Variants in TUBA8 observed in about 807,000 individuals in gnomAD.
TUBA8 encodes tubulin alpha-8 chain.
Under a neutral mutation model 34.7 loss-of-function variants are expected in TUBA8, and 29 were observed. The observed-to-expected ratio is 0.84, with a 90% CI of 0.62 to 1.14. The LOEUF (loss-of-function observed/expected upper bound fraction) is 1.14, where lower values mean the gene tolerates loss of function less well. TUBA8 is among the 50% of genes most tolerant of loss of function. The probability of loss-of-function intolerance (pLI) is 0.00; values close to 1 mark genes in which losing one functional copy is unlikely to be tolerated. For missense variants in TUBA8, 541 were observed against 599.2 expected (o/e 0.90, Z 1.01); for synonymous variants, 226 against 231.2 (o/e 0.98, Z 0.21).
rs1928254685 is a variant in TUBA8, at chr22:18,124,364, T to C, written c.375+60T>C. The stretch of plus-strand genomic sequence containing the variant: ...GCTGGAGTGGACAGGCTTGGCCCCA[T>C]GCCTCTTTGATCAGGCTAGGGAGAG... On this transcript the variant is annotated intron_variant, in intron 3 of 4. Coordinates refer to ENST00000330423, the MANE Select transcript of TUBA8 (RefSeq NM_018943.3). This position sits in a 1 kb window ranked among gnomAD's most constrained non-coding sequence, Gnocchi z 4.3. 6.4e-7 allele frequency: 1 copy of C among 1,570,034 alleles called. No individual in the cohort carries two copies. The highest frequency in any genetic ancestry group is 1.2e-5 in the South Asian group (1 of 85,388).
rs1237250274 is a variant in TUBA8 at position 18,119,896 on chromosome 22, G to A, written c.4-1583G>A. ...TCTGGAGGCTCTGCCCCTGGCTTGGGTTACCCGGAGCTGGAAAATGCCAGG... is the reference window on the plus strand; with the variant it reads ...TCTGGAGGCTCTGCCCCTGGCTTGGATTACCCGGAGCTGGAAAATGCCAGG... On this transcript the variant is annotated intron_variant, in intron 1 of 4. Transcript: ENST00000330423. The surrounding 1 kb of genome is among the most constrained non-coding windows in gnomAD (Gnocchi z 5.9). 1 of 152,252 alleles carries A rather than the reference G, an allele frequency of 6.6e-6. No homozygotes were observed. The highest frequency in any genetic ancestry group is 2.4e-5 in the African/African-American group (1 of 41,476). The allele number at this position is 152,252 out of a possible 1,614,324, so 9.4% of individuals were successfully genotyped here. A position where few individuals can be genotyped will look rare whatever the true frequency, so the allele number is the denominator to read the frequency against.
Position 18,111,007 on chromosome 22 carries a change from G to T in TUBA8, c.3+139G>T, listed in dbSNP as rs1436532882. On this transcript the variant is annotated intron_variant, in intron 1 of 4. Coordinates refer to ENST00000330423, the MANE Select transcript of TUBA8 (RefSeq NM_018943.3). This position sits in a 1 kb window ranked among gnomAD's most constrained non-coding sequence, Gnocchi z 5.1. ...CTTCTGGGGGTGGCAGTTCAGGGTCGAGGAGTCCGCACCCTCGGGCGGGAA... is the reference window on the plus strand; with the variant it reads ...CTTCTGGGGGTGGCAGTTCAGGGTCTAGGAGTCCGCACCCTCGGGCGGGAA... 3 of 1,322,912 alleles carry T rather than the reference G, an allele frequency of 2.3e-6. No homozygotes were observed. Among genetic ancestry groups the T allele is most frequent in the Non-Finnish European group, 3.1e-6 (3 of 958,466 alleles). The allele number at this position is 1,322,912 out of a possible 1,614,324, so 81.9% of individuals were successfully genotyped here. A position where few individuals can be genotyped will look rare whatever the true frequency, so the allele number is the denominator to read the frequency against.
In TUBA8 at chr22:18,126,813, G is replaced by A. The variant is rs2123705970; in HGVS notation, c.835G>A (p.Glu279Lys). 8 of 1,613,746 alleles carry A rather than the reference G, an allele frequency of 5.0e-6. No individual in the cohort carries two copies. The highest frequency in any genetic ancestry group is 6.8e-6 in the Non-Finnish European group (8 of 1,179,782). Residue 279 changes from glutamate to lysine, a missense_variant, in exon 4 of 5, where the codon GAG becomes AAG. Coordinates refer to ENST00000330423, the MANE Select transcript of TUBA8 (RefSeq NM_018943.3). This position sits in a 1 kb window ranked among gnomAD's most constrained non-coding sequence, Gnocchi z 4.0. ...LVTYAPIISAEKAYHEQLSVA... is the reference protein window; with the variant it reads ...LVTYAPIISAKKAYHEQLSVA... ...CACCTACGCGCCCATCATCTCTGCC[G>A]AGAAAGCCTATCACGAACAGCTCTC...
chr22:18,126,298 G>A lies in TUBA8; in HGVS notation c.376-56G>A. On this transcript the variant is annotated intron_variant, in intron 3 of 4. Coordinates refer to ENST00000330423, the MANE Select transcript of TUBA8 (RefSeq NM_018943.3). This position sits in a 1 kb window ranked among gnomAD's most constrained non-coding sequence, Gnocchi z 4.0. ...GTGGGCGGTCTGGCTTTTTTACTGT[G>A]GGGTGTTCTCGGAAACTTGTCTTCA... is the stretch of plus-strand genomic sequence containing the variant. The A allele has an allele frequency of 6.4e-7, 1 of 1,563,552 alleles. No homozygotes were observed.
At chr22:18,127,539 G>A (rs1014186373) in intron 4 of TUBA8, 7 of 155,714 alleles carry the variant, frequency 4.5e-5, no homozygotes, top group South Asian at 2.0e-4. Context: ...GACTACAGGC[G>A]CCCGCCGCCA....
intron 1 of TUBA8, chr22:18,115,676 T>C (rs1927947743): frequency 6.6e-6 from 1 of 152,276 alleles, no homozygotes; most frequent in South Asian, 2.1e-4. Context: ...TTGCAGACTT[T>C]CCTTAGGAAG....
chr22:18,111,828 C>T lies in TUBA8; in HGVS notation c.3+960C>T, dbSNP rs1927822248. 1 of 152,326 alleles carries T rather than the reference C, an allele frequency of 6.6e-6. No homozygotes were observed. The highest frequency in any genetic ancestry group is 2.1e-4 in the South Asian group (1 of 4,830). 9.4% of individuals were successfully genotyped at this position (152,326 alleles called of 1,614,324 possible). ...GTCGGGTTCCCTGGGCAGGCTTGCTCCAGGTGTCAGTGATCCAGAAAGCAG... is the reference window on the plus strand; with the variant it reads ...GTCGGGTTCCCTGGGCAGGCTTGCTTCAGGTGTCAGTGATCCAGAAAGCAG... On this transcript the variant is annotated intron_variant, in intron 1 of 4. Coordinates refer to ENST00000330423, the MANE Select transcript of TUBA8 (RefSeq NM_018943.3). The surrounding 1 kb of genome is among the most constrained non-coding windows in gnomAD (Gnocchi z 5.1).
At position 18,131,577 on chromosome 22, in the gene TUBA8, G is replaced by A. The variant is rs956586837; in HGVS notation, c.*441G>A. On this transcript the variant is annotated 3_prime_UTR_variant, in exon 5 of 5. Transcript: ENST00000330423. The surrounding 1 kb of genome is among the most constrained non-coding windows in gnomAD (Gnocchi z 5.3). The stretch of plus-strand genomic sequence containing the variant: ...CATGAGTGGGTCTATAGCCCGCTCC[G>A]GGCATCATCTAGACTTAGCATGCAT... The A allele has an allele frequency of 2.4e-5, 6 of 246,978 alleles. No homozygotes were observed. Among genetic ancestry groups the A allele is most frequent in the African/African-American group, 4.5e-5 (2 of 44,568 alleles). 15.3% of individuals were successfully genotyped at this position (246,978 alleles called of 1,614,324 possible). A position where few individuals can be genotyped will look rare whatever the true frequency, so the allele number is the denominator to read the frequency against.
At position 18,130,876 on chromosome 22, in the gene TUBA8, C is replaced by G. The variant is rs749719544; in HGVS notation, c.1090C>G (p.Pro364Ala). ...CAACTACCAGCCCCCGACCGTGGTCCCCGGGGGAGACCTGGCCAAGGTGCA... is the reference window on the plus strand; with the variant it reads ...CAACTACCAGCCCCCGACCGTGGTCGCCGGGGGAGACCTGGCCAAGGTGCA... ...GINYQPPTVV[P>A]GGDLAKVQRA... The change falls in exon 5 of 5, where the codon CCC becomes GCC. Residue 364 changes from proline (P) to alanine (A), a missense_variant. Transcript: ENST00000330423. 6.2e-7 allele frequency: 1 copy of G among 1,613,908 alleles called. No homozygotes were observed. The highest frequency in any genetic ancestry group is 1.3e-5 in the African/African-American group (1 of 74,924).
intron 4 of TUBA8, 154 bp downstream of exon 4, chr22:18,127,188 T>G: frequency 1.3e-6 from 1 of 780,382 alleles, no homozygotes; most frequent in Non-Finnish European, 2.0e-6. Context: ...TCAGCTTTGG[T>G]TGAGACACAA....
chr22:18,127,597 G>C (rs1417117097), intron 4 of TUBA8: 1 of 151,068 alleles, frequency 6.6e-6, no homozygotes, highest in East Asian at 2.0e-4. Context: ...GTTTCACCGT[G>C]TTAGCCAGGA....
chr22:18,130,959 C>T lies in TUBA8; in HGVS notation c.1173C>T (p.Leu391=), dbSNP rs201432541. ...CCATTGCGGAGGCCTGGGCCCGCCT[C>T]GACCACAAGTTCGACCTCATGTACG... ...TTAIAEAWAR[L]DHKFDLMYAK... is the part of the protein sequence containing the mutation. Residue 391 remains leucine (L), a synonymous_variant, in exon 5 of 5, where the codon CTC becomes CTT. Transcript: ENST00000330423. 1,746 of 1,614,106 alleles carry T rather than the reference C, an allele frequency of 1.1e-3. 9 individuals are homozygous for T. Among genetic ancestry groups the T allele is most frequent in the South Asian group, 1.1e-3 (103 of 91,074 alleles).
In TUBA8 at chr22:18,121,829, C is replaced by A; in HGVS notation, c.226+128C>A. Reference sequence around the variant, plus strand: ...ATGGTGCAACCGCAGCCTCCCACCCCACGTGACATCTGTCAGCTCCTTGGG... The same window carrying A: ...ATGGTGCAACCGCAGCCTCCCACCCAACGTGACATCTGTCAGCTCCTTGGG... On this transcript the variant is annotated intron_variant, in intron 2 of 4. Coordinates refer to ENST00000330423, the MANE Select transcript of TUBA8 (RefSeq NM_018943.3). This position sits in a 1 kb window ranked among gnomAD's most constrained non-coding sequence, Gnocchi z 4.8. 2.4e-6 allele frequency: 2 copies of A among 837,538 alleles called. No homozygotes were observed. Among genetic ancestry groups the A allele is most frequent in the Non-Finnish European group, 3.8e-6 (2 of 525,030 alleles). The allele number at this position is 837,538 out of a possible 1,614,324, so 51.9% of individuals were successfully genotyped here.
chr22:18,113,356 C>T (rs1927868262), intron 1 of TUBA8: 1 of 152,262 alleles, frequency 6.6e-6, no homozygotes, highest in African/African-American at 2.4e-5. Context: ...CCCATCCATT[C>T]CCAGTGTTCT....
Position 18,126,752 on chromosome 22 carries a change from C to A in TUBA8, c.774C>A (p.Asn258Lys). 6.2e-7 allele frequency: 1 copy of A among 1,614,086 alleles called. No homozygotes were observed. Among genetic ancestry groups the A allele is most frequent in the South Asian group, 1.1e-5 (1 of 91,066 alleles). ...LNVDLTEFQT[N>K]LVPYPRIHFP... ...TGGACCTCACTGAGTTCCAGACCAACCTGGTGCCCTACCCCCGCATCCACT... is the reference window on the plus strand; with the variant it reads ...TGGACCTCACTGAGTTCCAGACCAAACTGGTGCCCTACCCCCGCATCCACT... Residue 258 changes from asparagine (N) to lysine (K), a missense_variant, in exon 4 of 5, where the codon AAC becomes AAA. By Grantham distance (94) the Asn-to-Lys change is moderately conservative (BLOSUM62 0). Coordinates refer to ENST00000330423, the MANE Select transcript of TUBA8 (RefSeq NM_018943.3). The surrounding 1 kb of genome is among the most constrained non-coding windows in gnomAD (Gnocchi z 4.0).
Position 18,111,172 on chromosome 22 carries a change from G to A in TUBA8, c.3+304G>A. 3.6e-6 allele frequency: 2 copies of A among 552,680 alleles called. No individual in the cohort carries two copies. Among genetic ancestry groups the A allele is most frequent in the Non-Finnish European group, 6.5e-6 (2 of 309,930 alleles). The allele number at this position is 552,680 out of a possible 1,614,324, so 34.2% of individuals were successfully genotyped here. On this transcript the variant is annotated intron_variant, in intron 1 of 4. Transcript: ENST00000330423. This position sits in a 1 kb window ranked among gnomAD's most constrained non-coding sequence, Gnocchi z 5.1. ...GACGGAGAAGGGGGCGAGATTCTGG[G>A]GTCCCCAGATGGGCAGCCTGTGGAC...
chr22:18,130,746 T>C, intron 4 of TUBA8, 97 bp from the exon 5 acceptor site: 1 of 1,549,310 alleles, frequency 6.5e-7, no homozygotes, highest in Non-Finnish European at 8.9e-7. Context: ...GACCATGACT[T>C]GAAGCCATGC....
intron 3 of TUBA8, chr22:18,125,612 C>T (rs1928289467): frequency 6.6e-6 from 1 of 151,690 alleles, no homozygotes; most frequent in Non-Finnish European, 1.5e-5. Flanking sequence ...TATTAGAACT[C>T]AGGCTTTCTG....
At chr22:18,115,204 C>G (rs749066953) in intron 1 of TUBA8, 1 of 152,336 alleles carries the variant, frequency 6.6e-6, no homozygotes, top group Non-Finnish European at 1.5e-5. Context: ...TGTGCGGGAA[C>G]CACCCTGCGT....
Sources: gnomAD v4.1 joint callset for allele counts on GRCh38, gnomAD v4.1.1 for gene constraint, Gnocchi (gnomAD v3.1) non-coding constraint, MANE v1.5 for transcripts, NCBI Gene and HGNC (gene_info 2026-07-23, HGNC 2026-07-21) for gene names.